The following NSMCE2 variants were observed in gnomAD, a reference collection of about 807,000 sequenced individuals.
NSMCE2 encodes the protein NSE2 SUMO ligase component of SMC5/6 complex.
A neutral mutation model predicts 23.8 loss-of-function variants in NSMCE2; 24 were observed. The ratio of observed to expected loss-of-function variants is 1.01; its 90% CI spans 0.73 to 1.42. The LOEUF (loss-of-function observed/expected upper bound fraction) is 1.42. NSMCE2 is among the 40% of genes most tolerant of loss of function. NSMCE2 has a pLI of 0.00. For synonymous variants in NSMCE2, 92 were observed against 94.1 expected (o/e 0.98, Z 0.13); for missense variants, 284 against 296.5 (o/e 0.96, Z 0.31).
At chr8:125,158,195 A>G (rs1420983689) in intron 4 of NSMCE2, among the ~76,000 whole-genome samples, 2 of 152,152 alleles carry the variant, frequency 1.3e-5, no homozygotes, top group East Asian at 3.9e-4. Flanking sequence ...AAAACTGGGA[A>G]GTATGTCGAA....
chr8:125,198,155 T>G (rs1823709117), intron 5 of NSMCE2, among the ~76,000 whole-genome samples: 1 of 152,200 alleles, frequency 6.6e-6, no homozygotes, highest in Non-Finnish European at 1.5e-5. Flanking sequence ...TGGCTTCCTC[T>G]TTTCCTTATT....
intron 5 of NSMCE2, among the ~76,000 whole-genome samples, chr8:125,233,073 G>A (rs560832961): frequency 6.6e-6 from 1 of 152,290 alleles, no homozygotes; most frequent in South Asian, 2.1e-4. Flanking sequence ...GAAAAGTAAG[G>A]AATCTGAAGC....
chr8:125,123,386 T>C (rs1435402433), intron 3 of NSMCE2, among the ~76,000 whole-genome samples: 1 of 152,250 alleles, frequency 6.6e-6, no homozygotes, highest in Non-Finnish European at 1.5e-5. Flanking sequence ...CTCTGAAATA[T>C]AAAGATATGG....
intron 5 of NSMCE2, among the ~76,000 whole-genome samples, chr8:125,328,852 A>G (rs1016183384): frequency 2.6e-5 from 4 of 151,774 alleles, no homozygotes; most frequent in Non-Finnish European, 4.4e-5. Flanking sequence ...ATCCAAGGTC[A>G]TTAGTCCCAA....
At chr8:125,167,959 G>A (rs1034801839) in intron 4 of NSMCE2, among the ~76,000 whole-genome samples, 5 of 152,128 alleles carry the variant, frequency 3.3e-5, no homozygotes, top group African/African-American at 1.2e-4. Flanking sequence ...TTTTGTCAAT[G>A]TTGGAACCAA....
chr8:125,288,880 A>T (rs1042056294), intron 5 of NSMCE2, among the ~76,000 whole-genome samples: 7 of 152,028 alleles, frequency 4.6e-5, no homozygotes, highest in African/African-American at 1.7e-4. Flanking sequence ...CTGCAGCCTC[A>T]ACCTCCCAGG....
chr8:125,118,121 G>A lies in NSMCE2; in HGVS notation c.157+15634G>A, dbSNP rs1040363417. On this transcript the variant is annotated intron_variant, in intron 3 of 7. Transcript: ENST00000287437. Reference sequence around the variant, plus strand: ...TCTTAGCACTTTAGGAGGCCGAGGCGGGCGGATCACCTGAGGTCACGTGAC... The same window carrying A: ...TCTTAGCACTTTAGGAGGCCGAGGCAGGCGGATCACCTGAGGTCACGTGAC... Among the ~76,000 whole-genome samples, 7 of 152,118 alleles carry A rather than the reference G, an allele frequency of 4.6e-5. No individual in the cohort carries two copies. The East Asian group carries it at 7.7e-4, about 17-fold the overall frequency.
intron 3 of NSMCE2, among the ~76,000 whole-genome samples, chr8:125,116,391 TCTTC>T (rs958187297): frequency 6.6e-6 from 1 of 152,206 alleles, no homozygotes; most frequent in African/African-American, 2.4e-5. Flanking sequence ...TCAAAGATTT[TCTTC>T]CTTATGTTAA....
At chr8:125,239,813 G>T (rs1825698520) in intron 5 of NSMCE2, among the ~76,000 whole-genome samples, 1 of 152,128 alleles carries the variant, frequency 6.6e-6, no homozygotes, top group Non-Finnish European at 1.5e-5. Flanking sequence ...TTACCAAAGT[G>T]CATGAGATAG....
At chr8:125,314,393 G>T (rs1402197416) in intron 5 of NSMCE2, among the ~76,000 whole-genome samples, 1 of 152,142 alleles carries the variant, frequency 6.6e-6, no homozygotes, top group African/African-American at 2.4e-5. Context: ...AGATTCAAGC[G>T]ATTCTCCTGC....
chr8:125,218,601 G>A (rs1824709133), intron 5 of NSMCE2, among the ~76,000 whole-genome samples: 1 of 151,922 alleles, frequency 6.6e-6, no homozygotes, highest in African/African-American at 2.4e-5. Context: ...TAGTAGACGT[G>A]GGGTTTCGCC....
At chr8:125,183,898 C>T (rs529778718) in intron 5 of NSMCE2, among the ~76,000 whole-genome samples, 2 of 152,002 alleles carry the variant, frequency 1.3e-5, no homozygotes, top group Admixed American at 1.3e-4. Context: ...AGTGAAAAGA[C>T]CGAGAACTAT....
chr8:125,291,857 C>T (rs1052801217), intron 5 of NSMCE2, among the ~76,000 whole-genome samples: 2 of 152,084 alleles, frequency 1.3e-5, no homozygotes, highest in African/African-American at 4.8e-5. Context: ...CTCCAAAACC[C>T]TAGTGGCTTA....
intron 3 of NSMCE2, among the ~76,000 whole-genome samples, chr8:125,117,403 T>C (rs1188695915): frequency 6.6e-6 from 1 of 152,146 alleles, no homozygotes; most frequent in Non-Finnish European, 1.5e-5. Context: ...CTCTTTGGCT[T>C]TTTGTGTGTT....
At chr8:125,098,228 A>G (rs993385780) in intron 1 of NSMCE2, among the ~76,000 whole-genome samples, 28 of 152,150 alleles carry the variant, frequency 1.8e-4, no homozygotes, top group Admixed American at 3.9e-4. Context: ...CACTGACACT[A>G]CATGTCTCCT....
At chr8:125,141,916 C>G (rs1820391003) in intron 3 of NSMCE2, among the ~76,000 whole-genome samples, 1 of 152,062 alleles carries the variant, frequency 6.6e-6, no homozygotes, top group African/African-American at 2.4e-5. Flanking sequence ...ATTTGCCGGG[C>G]AAATGAGTTT....
intron 3 of NSMCE2, among the ~76,000 whole-genome samples, chr8:125,111,575 G>T (rs1207244821): frequency 1.3e-5 from 2 of 152,118 alleles, no homozygotes; most frequent in Non-Finnish European, 2.9e-5. Context: ...CGAGGCGGGC[G>T]GATCACTTGA....
intron 5 of NSMCE2, among the ~76,000 whole-genome samples, chr8:125,313,226 AAAG>A (rs560769010): frequency 1.5e-4 from 22 of 150,622 alleles, no homozygotes; most frequent in Middle Eastern, 3.4e-3. Flanking sequence ...AAAGAAAGAA[AAAG>A]AAGAAAGAAA....
chr8:125,299,831 T>TG, intron 5 of NSMCE2, among the ~76,000 whole-genome samples: 1 of 130,298 alleles, frequency 7.7e-6, no homozygotes, highest in Middle Eastern at 3.7e-3. Flanking sequence ...TTTTTTTTTT[T>TG]GTCTTGAGAC....
Sources: allele counts gnomAD v4.1 joint callset (sites outside exome capture counted in the v4.1 genomes callset), GRCh38; gene constraint gnomAD v4.1.1; transcripts MANE v1.5; gene names NCBI Gene and HGNC (gene_info 2026-07-23, HGNC 2026-07-21).